The following MAPK10 variants were observed in gnomAD, a reference collection of about 807,000 sequenced individuals.
MAPK10 encodes JNK3 alpha protein kinase.
A neutral mutation model predicts 59.3 loss-of-function variants in MAPK10; 25 were observed. The ratio of observed to expected loss-of-function variants is 0.42; its 90% CI spans 0.31 to 0.59. The LOEUF is 0.59. Among genes scored for constraint, MAPK10 ranks in the 20% least tolerant of loss-of-function variants. The pLI, the probability that MAPK10 is intolerant of heterozygous loss-of-function variation, is 0.15. For synonymous variants in MAPK10, 190 were observed against 200.5 expected (o/e 0.95, Z 0.44); for missense variants, 351 against 568.9 (o/e 0.62, Z 3.90).
At chr4:86,442,507 T>C (rs1214356815) in intron 1 of MAPK10, among the ~76,000 whole-genome samples, 1 of 152,194 alleles carries the variant, frequency 6.6e-6, no homozygotes, top group Non-Finnish European at 1.5e-5. Context: ...AAATAAAATA[T>C]TACTCACATA....
intron 2 of MAPK10, among the ~76,000 whole-genome samples, chr4:86,202,156 T>C (rs1039812138): frequency 1.3e-5 from 2 of 151,980 alleles, no homozygotes; most frequent in African/African-American, 4.8e-5. Context: ...TGGGTTTTGA[T>C]ATTATTTTAA....
At chr4:86,395,865 C>T (rs968885743) in intron 1 of MAPK10, among the ~76,000 whole-genome samples, 1 of 152,190 alleles carries the variant, frequency 6.6e-6, no homozygotes, top group African/African-American at 2.4e-5. Context: ...GGGGGCTCCA[C>T]CCTTATGGCC....
chr4:86,044,160 G>A (rs1341459347), intron 11 of MAPK10, among the ~76,000 whole-genome samples: 1 of 152,140 alleles, frequency 6.6e-6, no homozygotes, highest in Non-Finnish European at 1.5e-5. Context: ...CACTCAGAGG[G>A]GCGAGAATGT....
At chr4:86,392,709 A>G (rs1431678643) in intron 1 of MAPK10, among the ~76,000 whole-genome samples, 1 of 152,212 alleles carries the variant, frequency 6.6e-6, no homozygotes, top group Non-Finnish European at 1.5e-5. Context: ...GTGCTCAATA[A>G]ATACTTGCTG....
At chr4:86,271,465 G>T (rs1275755988) in intron 2 of MAPK10, among the ~76,000 whole-genome samples, 1 of 151,648 alleles carries the variant, frequency 6.6e-6, no homozygotes, top group Non-Finnish European at 1.5e-5. Context: ...TTTTATTTTA[G>T]ATTCAGAGGG....
chr4:86,354,103 T>G (rs4693144), intron 2 of MAPK10, among the ~76,000 whole-genome samples: 108,523 of 148,424 alleles, frequency 0.73, 39,568 homozygotes, highest in South Asian at 0.89. Context: ...AGAGCTAAAT[T>G]GTGTGTGTGT....
intron 1 of MAPK10, among the ~76,000 whole-genome samples, chr4:86,385,657 T>C (rs1451630985): frequency 6.6e-6 from 1 of 152,146 alleles, no homozygotes; most frequent in East Asian, 1.9e-4. Flanking sequence ...AATCTGAGGT[T>C]TAAACTTGTA....
At chr4:86,531,950 G>A (rs1757882141) in intron 1 of MAPK10, among the ~76,000 whole-genome samples, 1 of 151,858 alleles carries the variant, frequency 6.6e-6, no homozygotes, top group African/African-American at 2.4e-5. Context: ...GCTATTCAGG[G>A]AGCTGAGGTA....
At chr4:86,351,329 T>C (rs1731250093) in intron 2 of MAPK10, among the ~76,000 whole-genome samples, 1 of 149,820 alleles carries the variant, frequency 6.7e-6, no homozygotes, top group Non-Finnish European at 1.5e-5. Context: ...GTACAAAGGA[T>C]GACAATATAT....
intron 4 of MAPK10, among the ~76,000 whole-genome samples, chr4:86,117,018 A>G (rs1165852326): frequency 6.6e-6 from 1 of 152,252 alleles, no homozygotes; most frequent in Non-Finnish European, 1.5e-5. Flanking sequence ...TTACAAATAC[A>G]TTCAACTGTA....
At chr4:86,191,229 G>A (rs182301346) in intron 3 of MAPK10, among the ~76,000 whole-genome samples, 32 of 152,298 alleles carry the variant, frequency 2.1e-4, no homozygotes, top group African/African-American at 7.7e-4. Context: ...CTGCTGATTT[G>A]GGGTAGAAAG....
intron 1 of MAPK10, among the ~76,000 whole-genome samples, chr4:86,459,999 A>C (rs777092736): frequency 2.0e-5 from 3 of 152,204 alleles, no homozygotes; most frequent in Non-Finnish European, 4.4e-5. Context: ...ACAGAATTTG[A>C]GATTCCCTGG....
At chr4:86,249,556 C>T (rs78155860) in intron 2 of MAPK10, among the ~76,000 whole-genome samples, 2 of 152,122 alleles carry the variant, frequency 1.3e-5, no homozygotes, top group Non-Finnish European at 2.9e-5. Context: ...AAAAATCTTT[C>T]CAGCCTCTAT....
rs143438019 is a variant in MAPK10 at position 86,186,837 on chromosome 4, A to T, written c.66+7499T>A. 3.3e-5 allele frequency among the ~76,000 whole-genome samples: 5 copies of T among 152,220 alleles called. 1 individual carries two copies. The East Asian group carries it at 9.7e-4, about 29-fold the overall frequency. On this transcript the variant is annotated intron_variant, in intron 3 of 13. Transcript: ENST00000641462. ...TGAAGTTTATGTAGGTGCCCTAGGG[A>T]GCCTTCTCCTTAAAGATAGGGTTTG...
chr4:86,158,350 T>C (rs2068475079), intron 4 of MAPK10, among the ~76,000 whole-genome samples: 1 of 151,926 alleles, frequency 6.6e-6, no homozygotes, highest in Non-Finnish European at 1.5e-5. Context: ...GTAGGACTTC[T>C]GACCTACAGA....
chr4:86,272,355 T>G (rs990164071), intron 2 of MAPK10, among the ~76,000 whole-genome samples: 2 of 152,030 alleles, frequency 1.3e-5, no homozygotes, highest in African/African-American at 2.4e-5. Flanking sequence ...TACTATATTT[T>G]TCTCCTTTAT....
chr4:86,227,061 G>C (rs1002574744), intron 2 of MAPK10, among the ~76,000 whole-genome samples: 2 of 152,052 alleles, frequency 1.3e-5, no homozygotes, highest in Non-Finnish European at 1.5e-5. Flanking sequence ...AATTTGTCTT[G>C]TCAGTCATGG....
intron 1 of MAPK10, among the ~76,000 whole-genome samples, chr4:86,390,788 G>A (rs1403487584): frequency 6.6e-6 from 1 of 152,198 alleles, no homozygotes; most frequent in African/African-American, 2.4e-5. Flanking sequence ...TCTGTGTGGA[G>A]TGGATCATGA....
At chr4:86,373,609 C>G (rs945440860) in intron 1 of MAPK10, among the ~76,000 whole-genome samples, 23 of 152,156 alleles carry the variant, frequency 1.5e-4, no homozygotes, top group African/African-American at 5.6e-4. Context: ...TGAACAGATA[C>G]TTCTCAAAAG....
Sources: allele counts gnomAD v4.1 joint callset (sites outside exome capture counted in the v4.1 genomes callset), GRCh38; gene constraint gnomAD v4.1.1; transcripts MANE v1.5; gene names NCBI Gene and HGNC (gene_info 2026-07-23, HGNC 2026-07-21).